The following FIRRM variants were observed in gnomAD, a reference collection of about 807,000 sequenced individuals.
FIRRM encodes the protein FIGNL1-interacting regulator of recombination and mitosis.
the FIRRM span, among the ~76,000 whole-genome samples, chr1:169,814,884 C>G: frequency 6.6e-6 from 1 of 151,882 alleles, no homozygotes; most frequent in South Asian, 2.1e-4. Context: ...CCATGTTGTT[C>G]AAAGGTCAAC....
chr1:169,807,773 T>C, the FIRRM span: 2 of 1,554,210 alleles, frequency 1.3e-6, no homozygotes, highest in Non-Finnish European at 1.7e-6. Context: ...TTGTATTCTT[T>C]TCTTTTTATT....
At chr1:169,802,611 G>C in the FIRRM span, 1 of 1,579,374 alleles carries the variant, frequency 6.3e-7, no homozygotes, top group African/African-American at 1.4e-5. Flanking sequence ...TACTTGATTT[G>C]TTTTTACAGA....
chr1:169,821,136 A>G, the FIRRM span, among the ~76,000 whole-genome samples: 3 of 152,200 alleles, frequency 2.0e-5, no homozygotes, highest in Non-Finnish European at 2.9e-5. Flanking sequence ...TAGTGCAGGG[A>G]TATTATCAGT....
the FIRRM span, among the ~76,000 whole-genome samples, chr1:169,830,083 A>T: frequency 6.6e-6 from 1 of 152,196 alleles, no homozygotes; most frequent in Non-Finnish European, 1.5e-5. Flanking sequence ...TAGGTGCTCA[A>T]TAAATATTGA....
chr1:169,804,644 C>T, the FIRRM span, among the ~76,000 whole-genome samples: 1 of 152,020 alleles, frequency 6.6e-6, no homozygotes, highest in Non-Finnish European at 1.5e-5. Context: ...AATGAAATAA[C>T]TCATTTTACA....
At chr1:169,810,747 A>G in the FIRRM span, among the ~76,000 whole-genome samples, 1 of 151,362 alleles carries the variant, frequency 6.6e-6, no homozygotes, top group Non-Finnish European at 1.5e-5. Context: ...ATTTATTCTC[A>G]ATTAAGTCTT....
chr1:169,796,288 G>A, the FIRRM span, among the ~76,000 whole-genome samples: 6 of 152,282 alleles, frequency 3.9e-5, no homozygotes, highest in African/African-American at 1.4e-4. Context: ...CGTGCATAAT[G>A]TGTGTGAGAC....
chr1:169,826,921 T>G, the FIRRM span: 1 of 744,290 alleles, frequency 1.3e-6, no homozygotes, highest in South Asian at 2.7e-5. Context: ...TTTTATAAAA[T>G]GCACACTTAT....
the FIRRM span, chr1:169,826,996 C>T: frequency 1.9e-6 from 3 of 1,541,080 alleles, no homozygotes; most frequent in East Asian, 2.3e-5. Flanking sequence ...ACTTACTCTA[C>T]CTAAAATTAG....
chr1:169,853,831 A>C, the FIRRM span: 1 of 1,586,496 alleles, frequency 6.3e-7, no homozygotes, highest in East Asian at 2.2e-5. Context: ...CAAAAATCAT[A>C]CGCAAATTTG....
the FIRRM span, chr1:169,853,641 C>A: frequency 6.5e-7 from 1 of 1,537,936 alleles, no homozygotes; most frequent in Non-Finnish European, 8.9e-7. Flanking sequence ...TGTCCCAAAG[C>A]CTGCTTTTGA....
At chr1:169,852,809 G>A in the FIRRM span, 23 of 1,613,942 alleles carry the variant, frequency 1.4e-5, no homozygotes, top group South Asian at 3.3e-5. Flanking sequence ...AAAAGAGCTC[G>A]TCAGGAGTTC....
the FIRRM span, among the ~76,000 whole-genome samples, chr1:169,785,762 A>G: frequency 6.6e-6 from 1 of 152,174 alleles, no homozygotes; most frequent in Admixed American, 6.5e-5. Flanking sequence ...ACTTAGGGCT[A>G]TAGATTTTCA....
the FIRRM span, among the ~76,000 whole-genome samples, chr1:169,816,455 C>T: frequency 6.6e-6 from 1 of 152,280 alleles, no homozygotes; most frequent in South Asian, 2.1e-4. Context: ...TTTCTCTCTC[C>T]AGTCTCCCAT....
the FIRRM span, among the ~76,000 whole-genome samples, chr1:169,800,715 C>CTTTTTTTTTTT: frequency 7.3e-6 from 1 of 136,924 alleles, no homozygotes. Flanking sequence ...TCCTTTCTCT[C>CTTTTTTTTTTT]TTTTTTTTTT....
chr1:169,824,396 C>A, the FIRRM span, among the ~76,000 whole-genome samples: 9 of 152,198 alleles, frequency 5.9e-5, no homozygotes, highest in African/African-American at 9.6e-5. Flanking sequence ...GGGTCACTCT[C>A]ATGAGTATAC....
chr1:169,803,135 A>G, the FIRRM span: 2 of 1,605,486 alleles, frequency 1.2e-6, no homozygotes, highest in Non-Finnish European at 1.7e-6. Context: ...CACAAAAAAT[A>G]TATTCTAAGT....
the FIRRM span, among the ~76,000 whole-genome samples, chr1:169,794,165 C>T: frequency 6.6e-6 from 1 of 151,754 alleles, no homozygotes; most frequent in Non-Finnish European, 1.5e-5. Flanking sequence ...CCTGGACAAA[C>T]ATAAAGTCCA....
the FIRRM span, chr1:169,793,423 A>T: frequency 1.9e-6 from 3 of 1,614,164 alleles, no homozygotes; most frequent in Non-Finnish European, 2.5e-6. Flanking sequence ...GCTGTTTTCC[A>T]TGTGGCTCCA....
Sources: allele counts gnomAD v4.1 joint callset (sites outside exome capture counted in the v4.1 genomes callset), GRCh38; gene constraint gnomAD v4.1.1; transcripts MANE v1.5; gene names NCBI Gene and HGNC (gene_info 2026-07-23, HGNC 2026-07-21).